The following SMARCC1 variants were observed in gnomAD, a reference collection of about 807,000 sequenced individuals.
The protein encoded by SMARCC1 is SWI/SNF related BAF chromatin remodeling complex subunit C1.
SMARCC1 carries 43 observed loss-of-function variants against 147.4 expected under a neutral mutation model. That is an observed-to-expected ratio of 0.29 (90% CI 0.23 to 0.38). The LOEUF (loss-of-function observed/expected upper bound fraction) is 0.38. Ranked by LOEUF, SMARCC1 falls within the 10% of genes least tolerant of loss-of-function variation. The pLI is 1.00. For synonymous variants in SMARCC1, 495 were observed against 484.4 expected (o/e 1.02, Z -0.29); for missense variants, 1,119 against 1,381.1 (o/e 0.81, Z 3.01).
chr3:47,678,795 C>G (rs991036415), intron 15 of SMARCC1, among the ~76,000 whole-genome samples: 3 of 152,210 alleles, frequency 2.0e-5, no homozygotes, highest in South Asian at 2.1e-4. Context: ...TATGTCCTAG[C>G]CACAGGGTTG....
intron 26 of SMARCC1, among the ~76,000 whole-genome samples, chr3:47,608,934 G>A (rs1189544268): frequency 3.3e-5 from 5 of 151,776 alleles, no homozygotes; most frequent in African/African-American, 4.8e-5. Flanking sequence ...TGTGTGGGGG[G>A]GTTAGAAGGA....
intron 5 of SMARCC1, among the ~76,000 whole-genome samples, chr3:47,734,786 G>A (rs911988492): frequency 7.2e-5 from 11 of 152,140 alleles, no homozygotes; most frequent in Non-Finnish European, 1.5e-4. Context: ...TTTCTGAGAC[G>A]GAGTCTCGCT....
chr3:47,693,307 A>G lies in SMARCC1; in HGVS notation c.1166-7T>C. The G allele has an allele frequency of 6.7e-7, 1 of 1,485,086 alleles. No individual in the cohort carries two copies. The highest frequency in any genetic ancestry group is 9.4e-7 in the Non-Finnish European group (1 of 1,064,572). 92.0% of individuals were successfully genotyped at this position (1,485,086 alleles called of 1,614,324 possible). Reference sequence around the variant, plus strand: ...CTATCTTTCTTTAGGTTCACTAGAAAAAGAAAAAAAAGAGTTATGTTTATG... The same window carrying G: ...CTATCTTTCTTTAGGTTCACTAGAAGAAGAAAAAAAAGAGTTATGTTTATG... On this transcript the variant is annotated splice_region_variant and splice_polypyrimidine_tract_variant and intron_variant, in intron 11 of 27. Coordinates refer to ENST00000254480, the MANE Select transcript of SMARCC1 (RefSeq NM_003074.4).
intron 1 of SMARCC1, among the ~76,000 whole-genome samples, chr3:47,779,078 G>A (rs1015762460): frequency 6.6e-6 from 1 of 151,406 alleles, no homozygotes; most frequent in African/African-American, 2.4e-5. Context: ...ACTGCTATGA[G>A]GACTTTAAGT....
intron 26 of SMARCC1, among the ~76,000 whole-genome samples, chr3:47,597,420 G>A (rs553892354): frequency 3.3e-5 from 5 of 152,010 alleles, no homozygotes; most frequent in East Asian, 1.9e-4. Context: ...TCCGCCTCCC[G>A]GGTTCATGCC....
intron 19 of SMARCC1, among the ~76,000 whole-genome samples, chr3:47,670,069 C>G (rs1398783923): frequency 6.6e-6 from 1 of 152,224 alleles, no homozygotes; most frequent in African/African-American, 2.4e-5. Flanking sequence ...AATTGTCACA[C>G]ATTCACAACT....
intron 11 of SMARCC1, among the ~76,000 whole-genome samples, chr3:47,700,657 G>A (rs912459510): frequency 4.6e-5 from 7 of 151,958 alleles, no homozygotes; most frequent in Non-Finnish European, 8.8e-5. Flanking sequence ...CTGGAGTAGC[G>A]GGAATTACAG....
intron 4 of SMARCC1, among the ~76,000 whole-genome samples, chr3:47,737,103 T>C (rs925355395): frequency 6.6e-6 from 1 of 152,132 alleles, no homozygotes; most frequent in African/African-American, 2.4e-5. Flanking sequence ...CTAAATAAAA[T>C]GAAGGCAGGC....
At chr3:47,711,726 C>A (rs1333112644) in intron 8 of SMARCC1, among the ~76,000 whole-genome samples, 1 of 152,180 alleles carries the variant, frequency 6.6e-6, no homozygotes, top group Non-Finnish European at 1.5e-5. Flanking sequence ...TTGGGATATG[C>A]CTTTCAAGTA....
chr3:47,639,498 G>A (rs2033020069), intron 21 of SMARCC1, among the ~76,000 whole-genome samples: 1 of 152,178 alleles, frequency 6.6e-6, no homozygotes, highest in Non-Finnish European at 1.5e-5. Flanking sequence ...TGCATCACAA[G>A]GTCAGGAGTT....
intron 21 of SMARCC1, among the ~76,000 whole-genome samples, chr3:47,660,264 G>A (rs995123724): frequency 6.6e-6 from 1 of 151,766 alleles, no homozygotes; most frequent in African/African-American, 2.4e-5. Context: ...GGCCAACATG[G>A]TGAAACCCTG....
At chr3:47,652,912 G>T (rs902844047) in intron 21 of SMARCC1, among the ~76,000 whole-genome samples, 5 of 150,420 alleles carry the variant, frequency 3.3e-5, no homozygotes, top group Admixed American at 3.3e-4. Flanking sequence ...AAATATAAAT[G>T]TAAGAGGTGT....
chr3:47,655,512 T>C (rs1186976910), intron 21 of SMARCC1, among the ~76,000 whole-genome samples: 2 of 151,682 alleles, frequency 1.3e-5, no homozygotes, highest in East Asian at 3.9e-4. Flanking sequence ...GCCTGGCCAA[T>C]ATGGTGAAAC....
intron 21 of SMARCC1, among the ~76,000 whole-genome samples, chr3:47,651,972 G>C (rs1331519137): frequency 6.6e-6 from 1 of 152,074 alleles, no homozygotes; most frequent in Non-Finnish European, 1.5e-5. Flanking sequence ...CTGAATTTTG[G>C]TGTAAGGTTT....
chr3:47,622,152 A>G, intron 25 of SMARCC1, 55 bp downstream of exon 25: 2 of 1,516,268 alleles, frequency 1.3e-6, no homozygotes, highest in Non-Finnish European at 1.8e-6. Flanking sequence ...TTGTTTTGTG[A>G]AAAGTGACCA....
intron 6 of SMARCC1, among the ~76,000 whole-genome samples, chr3:47,727,672 G>A (rs1485630761): frequency 6.6e-6 from 1 of 151,776 alleles, no homozygotes. Context: ...CTAGAGCGCA[G>A]TGGTGCAATC....
Position 47,767,768 on chromosome 3 carries a change from T to C in SMARCC1, c.315+5049A>G, listed in dbSNP as rs554546065. ...CTGTAATCCCAGGTCCTCGGGAGGCTGAGGCAGGAGAATAGTTTGAACCCG... is the reference window on the plus strand; with the variant it reads ...CTGTAATCCCAGGTCCTCGGGAGGCCGAGGCAGGAGAATAGTTTGAACCCG... On this transcript the variant is annotated intron_variant, in intron 2 of 27. Transcript: ENST00000254480. Among the ~76,000 whole-genome samples the C allele has an allele frequency of 3.3e-5, 5 of 151,368 alleles. No individual in the cohort carries two copies. The South Asian group carries it at 1.0e-3, about 32-fold the overall frequency.
chr3:47,778,416 C>A (rs1559671140), intron 1 of SMARCC1, among the ~76,000 whole-genome samples: 2 of 151,840 alleles, frequency 1.3e-5, no homozygotes, highest in Non-Finnish European at 2.9e-5. Flanking sequence ...TCAAGTGATC[C>A]TCCAAGGACC....
chr3:47,752,611 C>T (rs1023782350), intron 2 of SMARCC1, among the ~76,000 whole-genome samples: 4 of 151,890 alleles, frequency 2.6e-5, no homozygotes, highest in Non-Finnish European at 4.4e-5. Context: ...CATAACAGAG[C>T]GAAACCCTGT....
Sources: allele counts gnomAD v4.1 joint callset (sites outside exome capture counted in the v4.1 genomes callset), GRCh38; gene constraint gnomAD v4.1.1; transcripts MANE v1.5; gene names NCBI Gene and HGNC (gene_info 2026-07-23, HGNC 2026-07-21).